Variants in MGAT4C observed in about 807,000 individuals in gnomAD.
MGAT4C encodes the protein alpha-1,3-mannosyl-glycoprotein 4-beta-N-acetylglucosaminyltransferase C.
Under a neutral mutation model 40.1 loss-of-function variants are expected in MGAT4C, and 19 were observed. The ratio of observed to expected loss-of-function variants is 0.47; its 90% CI spans 0.33 to 0.70. The LOEUF is 0.70. MGAT4C is among the 30% of genes least tolerant of loss of function. MGAT4C has a pLI of 0.02. For synonymous variants in MGAT4C, 181 were observed against 187.1 expected (o/e 0.97, Z 0.27); for missense variants, 491 against 563.2 (o/e 0.87, Z 1.30).
At chr12:86,279,038 A>G (rs1799759669) in intron 4 of MGAT4C, among the ~76,000 whole-genome samples, 1 of 151,154 alleles carries the variant, frequency 6.6e-6, no homozygotes, top group South Asian at 2.1e-4. Context: ...TGTGTTGTTG[A>G]ATTTGGTTTG....
intron 1 of MGAT4C, among the ~76,000 whole-genome samples, chr12:86,239,747 T>C (rs1951698285): frequency 6.6e-6 from 1 of 151,942 alleles, no homozygotes; most frequent in Non-Finnish European, 1.5e-5. Context: ...TTTACTCTAA[T>C]AATGGCATTT....
chr12:86,394,862 C>T (rs1956228414), intron 3 of MGAT4C, among the ~76,000 whole-genome samples: 1 of 151,718 alleles, frequency 6.6e-6, no homozygotes, highest in African/African-American at 2.4e-5. Context: ...GTGATCCACC[C>T]ACCTCAGCCT....
At chr12:86,024,728 A>T (rs1890094812) in intron 2 of MGAT4C, among the ~76,000 whole-genome samples, 1 of 151,624 alleles carries the variant, frequency 6.6e-6, no homozygotes, top group Non-Finnish European at 1.5e-5. Context: ...CCTACAGCCT[A>T]CTCCCAATGA....
At chr12:85,981,007 G>A (rs113447092) in intron 4 of MGAT4C, among the ~76,000 whole-genome samples, 2,602 of 151,896 alleles carry the variant, frequency 0.017, 38 homozygotes, top group Middle Eastern at 0.051. Flanking sequence ...ACTAGAATTC[G>A]TAATTGGACT....
intron 1 of MGAT4C, among the ~76,000 whole-genome samples, chr12:86,165,421 A>T (rs564192955): frequency 6.6e-6 from 1 of 152,118 alleles, no homozygotes; most frequent in Non-Finnish European, 1.5e-5. Flanking sequence ...TTAACACATT[A>T]TCCTACAGTA....
At chr12:86,430,795 A>G (rs2136268589) in intron 3 of MGAT4C, among the ~76,000 whole-genome samples, 1 of 152,156 alleles carries the variant, frequency 6.6e-6, no homozygotes, top group Non-Finnish European at 1.5e-5. Context: ...GTCAATATGG[A>G]GCCATGAAGT....
At chr12:86,289,747 A>G (rs1393020817) in intron 4 of MGAT4C, among the ~76,000 whole-genome samples, 1 of 152,132 alleles carries the variant, frequency 6.6e-6, no homozygotes, top group African/African-American at 2.4e-5. Flanking sequence ...ATTTTTGTAC[A>G]CTGGCTTTGT....
intron 1 of MGAT4C, among the ~76,000 whole-genome samples, chr12:86,169,943 T>TAGAC (rs1886632396): frequency 6.6e-6 from 1 of 152,194 alleles, no homozygotes; most frequent in Non-Finnish European, 1.5e-5. Context: ...TATCAAAGGT[T>TAGAC]AGCAAAGGAA....
intron 1 of MGAT4C, among the ~76,000 whole-genome samples, chr12:86,807,625 C>T (rs1952383922): frequency 6.6e-6 from 1 of 152,000 alleles, no homozygotes; most frequent in Non-Finnish European, 1.5e-5. Flanking sequence ...ATTTATATTC[C>T]TTTGCATATA....
chr12:86,729,651 A>T (rs926324506), intron 1 of MGAT4C, among the ~76,000 whole-genome samples: 1 of 151,444 alleles, frequency 6.6e-6, no homozygotes, highest in African/African-American at 2.4e-5. Context: ...TAAATATAAA[A>T]ACAAAAAAAA....
At chr12:86,493,347 C>T (rs945874584) in intron 2 of MGAT4C, among the ~76,000 whole-genome samples, 5 of 151,944 alleles carry the variant, frequency 3.3e-5, no homozygotes, top group Admixed American at 6.6e-5. Flanking sequence ...CACATGAACA[C>T]GTATGTTTAT....
intron 4 of MGAT4C, among the ~76,000 whole-genome samples, chr12:86,322,508 A>G (rs1199368086): frequency 1.3e-5 from 2 of 151,810 alleles, no homozygotes; most frequent in East Asian, 1.9e-4. Context: ...TTCTTTCCTT[A>G]TTTTTCTAAG....
At chr12:86,211,407 A>AC in intron 1 of MGAT4C, among the ~76,000 whole-genome samples, 1 of 7,534 alleles carries the variant, frequency 1.3e-4, no homozygotes, top group Non-Finnish European at 4.1e-4. Context: ...CTACAAATAC[A>AC]AAAAAAAAAA....
intron 1 of MGAT4C, among the ~76,000 whole-genome samples, chr12:86,221,794 C>T (rs986652904): frequency 6.6e-6 from 1 of 152,196 alleles, no homozygotes; most frequent in African/African-American, 2.4e-5. Context: ...CCCACATTGC[C>T]ATGTGAAGCT....
chr12:86,621,371 G>T (rs984593268), intron 2 of MGAT4C, among the ~76,000 whole-genome samples: 1 of 152,192 alleles, frequency 6.6e-6, no homozygotes, highest in Non-Finnish European at 1.5e-5. Flanking sequence ...ATTCCTGAGA[G>T]AGTGGAAATA....
intron 2 of MGAT4C, among the ~76,000 whole-genome samples, chr12:86,551,471 G>A (rs1028649305): frequency 6.6e-6 from 1 of 152,192 alleles, no homozygotes; most frequent in Admixed American, 6.5e-5. Context: ...ACAGCTGTGT[G>A]CCCATGTTCC....
intron 2 of MGAT4C, among the ~76,000 whole-genome samples, chr12:86,652,036 T>C (rs927115316): frequency 1.3e-5 from 2 of 151,900 alleles, no homozygotes; most frequent in Non-Finnish European, 1.5e-5. Flanking sequence ...ATGATTACTT[T>C]TGAAATATTT....
chr12:86,765,866 A>G (rs1344617915), intron 1 of MGAT4C, among the ~76,000 whole-genome samples: 2 of 152,212 alleles, frequency 1.3e-5, no homozygotes, highest in Non-Finnish European at 2.9e-5. Flanking sequence ...TCCTGAAGGA[A>G]GCAATAAACA....
chr12:86,586,106 C>A (rs1418126229), intron 2 of MGAT4C, among the ~76,000 whole-genome samples: 11 of 114,958 alleles, frequency 9.6e-5, no homozygotes, highest in Non-Finnish European at 8.8e-5. Flanking sequence ...CCCCCTCCCC[C>A]CACCCCACAA....
Sources: gnomAD v4.1 joint callset for allele counts (sites outside exome capture counted in the v4.1 genomes callset) on GRCh38, gnomAD v4.1.1 for gene constraint, MANE v1.5 for transcripts, NCBI Gene and HGNC (gene_info 2026-07-23, HGNC 2026-07-21) for gene names.